SLAIN2: variants seen among roughly 807,000 people sequenced by gnomAD.
SLAIN2 encodes SLAIN motif-containing protein 2.
Under a neutral mutation model 56.6 loss-of-function variants are expected in SLAIN2, and 31 were observed. That is an observed-to-expected ratio of 0.55 (90% confidence interval 0.41 to 0.74). The LOEUF is 0.74. Among genes scored for constraint, SLAIN2 ranks in the 30% least tolerant of loss-of-function variants. The pLI, the probability that SLAIN2 is intolerant of heterozygous loss-of-function variation, is 0.00. For missense variants in SLAIN2, 777 were observed against 754.2 expected (o/e 1.03, Z -0.35); for synonymous variants, 317 against 284.9 (o/e 1.11, Z -1.13).
At chr4:48,407,550 T>G (rs1716730846) in intron 6 of SLAIN2, among the ~76,000 whole-genome samples, 1 of 152,210 alleles carries the variant, frequency 6.6e-6, no homozygotes, top group African/African-American at 2.4e-5. Context: ...TTCAGTCCTT[T>G]TCTATTGCTC....
intron 1 of SLAIN2, among the ~76,000 whole-genome samples, chr4:48,359,431 AGTAGCCTACTTTC>A (rs1421339767): frequency 2.0e-5 from 3 of 152,224 alleles, no homozygotes; most frequent in African/African-American, 7.2e-5. Flanking sequence ...CCTTGGCTTC[AGTAGCCTACTTTC>A]AGCTGGCTAC....
At chr4:48,393,259 G>A (rs1716280301) in intron 6 of SLAIN2, among the ~76,000 whole-genome samples, 1 of 152,018 alleles carries the variant, frequency 6.6e-6, no homozygotes, top group African/African-American at 2.4e-5. Flanking sequence ...TTGCTTCATC[G>A]ACTATGCTGA....
rs745600491 is a variant in SLAIN2 at position 48,341,715 on chromosome 4, A to AGGC, written c.-10_-8dup. 7,097 of 1,521,696 alleles carry AGGC rather than the reference A, an allele frequency of 4.7e-3. 15 individuals are homozygous for AGGC. Among genetic ancestry groups the AGGC allele is most frequent in the Non-Finnish European group, 5.8e-3 (6,597 of 1,134,486 alleles). 94.3% of individuals were successfully genotyped at this position (1,521,696 alleles called of 1,614,324 possible). Reference sequence around the variant, plus strand: ...CGCTGCGAGAGCGAGCGGGCGGCGGAGGCGGCGGCGGCGGCGGGGCCGGGA... The same window carrying AGGC: ...CGCTGCGAGAGCGAGCGGGCGGCGGAGGCGGCGGCGGCGGCGGCGGGGCCGGGA... On this transcript the variant is annotated 5_prime_UTR_variant, in exon 1 of 8. Coordinates refer to ENST00000264313, the MANE Select transcript of SLAIN2 (RefSeq NM_020846.2).
chr4:48,358,670 T>TA (rs1307755050), intron 1 of SLAIN2, among the ~76,000 whole-genome samples: 1 of 152,012 alleles, frequency 6.6e-6, no homozygotes, highest in Non-Finnish European at 1.5e-5. Flanking sequence ...TTAGAATTAT[T>TA]AAATTATATT....
intron 6 of SLAIN2, chr4:48,394,534 T>G: frequency 2.0e-6 from 3 of 1,467,972 alleles, no homozygotes; most frequent in Non-Finnish European, 2.8e-6. Context: ...GCCTTTGTCT[T>G]GTACTTCCAG....
intron 1 of SLAIN2, among the ~76,000 whole-genome samples, chr4:48,363,705 G>A (rs1325675964): frequency 3.5e-5 from 4 of 115,526 alleles, no homozygotes; most frequent in South Asian, 7.3e-4. Flanking sequence ...GGGCAGAGGC[G>A]CCCCTCACCT....
intron 6 of SLAIN2, among the ~76,000 whole-genome samples, chr4:48,396,485 G>T (rs562739779): frequency 6.6e-6 from 1 of 152,164 alleles, no homozygotes; most frequent in Non-Finnish European, 1.5e-5. Flanking sequence ...AGCTGAGATG[G>T]AGAATATCTT....
chr4:48,386,414 G>A (rs931703069), intron 6 of SLAIN2, among the ~76,000 whole-genome samples: 2 of 152,148 alleles, frequency 1.3e-5, no homozygotes, highest in African/African-American at 4.8e-5. Context: ...CTCAATAGGT[G>A]AGAGTCCAAA....
At chr4:48,398,207 T>C (rs1453527287) in intron 6 of SLAIN2, among the ~76,000 whole-genome samples, 1 of 152,188 alleles carries the variant, frequency 6.6e-6, no homozygotes, top group Non-Finnish European at 1.5e-5. Flanking sequence ...TGTGAGATGG[T>C]ATCTCATTGT....
chr4:48,409,061 T>C (rs1487063238), intron 6 of SLAIN2, among the ~76,000 whole-genome samples: 3 of 152,172 alleles, frequency 2.0e-5, no homozygotes, highest in African/African-American at 7.2e-5. Flanking sequence ...ATTTTTTGTG[T>C]GTACATAGTA....
intron 7 of SLAIN2, among the ~76,000 whole-genome samples, chr4:48,421,103 C>T (rs1170823178): frequency 6.6e-6 from 1 of 152,016 alleles, no homozygotes; most frequent in Non-Finnish European, 1.5e-5. Context: ...GCAGCCTTGA[C>T]CTCCCAGGCT....
chr4:48,401,905 A>T (rs1255612544), intron 6 of SLAIN2, among the ~76,000 whole-genome samples: 2 of 152,134 alleles, frequency 1.3e-5, no homozygotes, highest in Admixed American at 1.3e-4. Context: ...GTGGCTGGTA[A>T]TGGTTTTTCC....
rs930477940 is a variant in SLAIN2 at position 48,374,151 on chromosome 4, A to G, written c.539-3745A>G. Among the ~76,000 whole-genome samples, 14 of 152,222 alleles carry G rather than the reference A, an allele frequency of 9.2e-5. 1 individual carries two copies. The highest frequency in any genetic ancestry group is 8.5e-4 in the Admixed American group (13 of 15,286). On this transcript the variant is annotated intron_variant, in intron 2 of 7. Coordinates refer to ENST00000264313, the MANE Select transcript of SLAIN2 (RefSeq NM_020846.2). ...GAAGTTGCTGGAGAAGAGTAAGGAA[A>G]GGAGAGATGTGAGATAAGGCCAGAA... is the stretch of plus-strand genomic sequence containing the variant.
At chr4:48,411,007 A>T (rs1716830245) in intron 6 of SLAIN2, among the ~76,000 whole-genome samples, 1 of 151,792 alleles carries the variant, frequency 6.6e-6, no homozygotes, top group African/African-American at 2.4e-5. Flanking sequence ...CTGACCCATA[A>T]CCCCAAGTCC....
At chr4:48,357,582 G>A (rs965681198) in intron 1 of SLAIN2, among the ~76,000 whole-genome samples, 3 of 151,152 alleles carry the variant, frequency 2.0e-5, no homozygotes, top group African/African-American at 2.4e-5. Flanking sequence ...GGAGTTTTGC[G>A]CTTGTTGCCC....
chr4:48,380,165 C>T (rs559904782), intron 4 of SLAIN2, among the ~76,000 whole-genome samples: 1 of 152,044 alleles, frequency 6.6e-6, no homozygotes, highest in African/African-American at 2.4e-5. Flanking sequence ...TAGTCTATTA[C>T]CCTTTGTGTT....
intron 6 of SLAIN2, among the ~76,000 whole-genome samples, chr4:48,391,220 C>T (rs977406764): frequency 3.9e-5 from 6 of 152,120 alleles, no homozygotes; most frequent in Admixed American, 6.6e-5. Context: ...GCACACATTT[C>T]GCTGAAGTGA....
intron 1 of SLAIN2, among the ~76,000 whole-genome samples, chr4:48,361,712 A>T (rs965712044): frequency 6.6e-6 from 1 of 152,206 alleles, no homozygotes; most frequent in Non-Finnish European, 1.5e-5. Context: ...TTCTGCTAAA[A>T]ATGCCTGCTG....
chr4:48,409,147 C>T (rs1716779973), intron 6 of SLAIN2, among the ~76,000 whole-genome samples: 1 of 152,160 alleles, frequency 6.6e-6, no homozygotes, highest in Non-Finnish European at 1.5e-5. Flanking sequence ...CACAGAGAAT[C>T]AGGTCCCCAT....
Sources: gnomAD v4.1 joint callset for allele counts (sites outside exome capture counted in the v4.1 genomes callset) on GRCh38, gnomAD v4.1.1 for gene constraint, MANE v1.5 for transcripts, NCBI Gene and HGNC (gene_info 2026-07-23, HGNC 2026-07-21) for gene names.